The following SLC35G6 variants were observed in gnomAD, a reference collection of about 807,000 sequenced individuals.
SLC35G6 encodes solute carrier family 35 member G6, also known as acyl-malonyl condensing enzyme 1-like 3.
A neutral mutation model predicts 20.3 loss-of-function variants in SLC35G6; 18 were observed. That is an observed-to-expected ratio of 0.88 (90% CI 0.61 to 1.31). The LOEUF is 1.31. Among genes scored for constraint, SLC35G6 ranks in the 40% most tolerant of loss-of-function variants. The probability of loss-of-function intolerance (pLI) is 0.00; values close to 1 mark genes in which losing one functional copy is unlikely to be tolerated. For synonymous variants in SLC35G6, 156 were observed against 200.9 expected (o/e 0.78, Z 1.89); for missense variants, 372 against 433.4 (o/e 0.86, Z 1.26).
chr17:7,481,940 G>A (rs367808195), intron 1 of SLC35G6, 48 bp from the exon 2 acceptor site: 60 of 1,545,770 alleles, frequency 3.9e-5, no homozygotes, highest in Admixed American at 3.4e-4. Flanking sequence ...GCCCCAGGTC[G>A]CCTGGGCTGC....
rs761273574 is a variant in SLC35G6 at position 7,482,718 on chromosome 17, T to C, written c.734T>C (p.Val245Ala). The change falls in exon 2 of 2, where the codon GTG becomes GCG. Residue 245 changes from valine (V) to alanine (A), a missense_variant. Val to Ala is a moderately conservative substitution (Grantham distance 64, BLOSUM62 0). Transcript: ENST00000412468. ...GGCCTCTTTGTGCTGCAGCCCCCCG[T>C]GTTGCCCAGTGATCTCCCGAGTTGG... is the stretch of plus-strand genomic sequence containing the variant. Reference protein sequence around the residue: ...VPGLFVLQPPVLPSDLPSWSC... With the variant: ...VPGLFVLQPPALPSDLPSWSC... 1.7e-5 allele frequency: 27 copies of C among 1,611,906 alleles called. No homozygotes were observed. Among genetic ancestry groups the C allele is most frequent in the Admixed American group, 5.0e-5 (3 of 59,988 alleles).
intron 1 of SLC35G6, 75 bp from the exon 2 acceptor site, chr17:7,481,913 A>T: frequency 6.5e-7 from 1 of 1,526,974 alleles, no homozygotes; most frequent in Non-Finnish European, 8.8e-7. Context: ...CCCAGACCCC[A>T]TCCTGGCATC....
intron 1 of SLC35G6, among the ~76,000 whole-genome samples, chr17:7,481,753 A>G (rs1162373234): frequency 6.6e-6 from 1 of 152,042 alleles, no homozygotes; most frequent in East Asian, 1.9e-4. Context: ...CCCAGGAACA[A>G]CTTACCCAGG....
Position 7,482,574 on chromosome 17 carries a change from T to A in SLC35G6, c.590T>A (p.Phe197Tyr). ...ACCGCCCTGGGCTATGGGCAGGCTT[T>A]CGTGGGAGGACTGGCGCTGTCCCTG... ...VYTALGYGQA[F>Y]VGGLALSLGL... The change falls in exon 2 of 2, where the codon TTC becomes TAC. Residue 197 changes from phenylalanine (F) to tyrosine (Y), a missense_variant. Physicochemically the swap from Phe to Tyr is conservative, Grantham distance 22. Transcript: ENST00000412468. 1 of 1,612,374 alleles carries A rather than the reference T, an allele frequency of 6.2e-7. No homozygotes were observed. Among genetic ancestry groups the A allele is most frequent in the Non-Finnish European group, 8.5e-7 (1 of 1,179,936 alleles).
intron 1 of SLC35G6, 48 bp downstream of exon 1, chr17:7,481,567 G>A (rs1225048669): frequency 6.4e-6 from 9 of 1,401,714 alleles, no homozygotes; most frequent in Non-Finnish European, 8.6e-6. Context: ...ATAGCTCCTG[G>A]TTGCTCCATT....
At position 7,482,706 on chromosome 17, in the gene SLC35G6, T is replaced by C. The variant is rs771237611; in HGVS notation, c.722T>C (p.Leu241Pro). The change falls in exon 2 of 2, where the codon CTG (leucine) becomes CCG (proline). Residue 241 changes from leucine to proline, a missense_variant. Transcript: ENST00000412468. ...GGCTCTGTGCCAGGCCTCTTTGTGC[T>C]GCAGCCCCCCGTGTTGCCCAGTGAT... The part of the protein sequence containing the change: ...LLGSVPGLFV[L>P]QPPVLPSDLP... The C allele has an allele frequency of 6.2e-7, 1 of 1,611,912 alleles. No homozygotes were observed. The highest frequency in any genetic ancestry group is 8.5e-7 in the Non-Finnish European group (1 of 1,179,876).
chr17:7,482,213 T>C lies in SLC35G6; in HGVS notation c.229T>C (p.Cys77Arg), dbSNP rs781546940. Residue 77 changes from cysteine (C) to arginine (R), a missense_variant, in exon 2 of 2, where the codon TGC becomes CGC. Transcript: ENST00000412468. ...LPSLELLICR[C>R]LFHLPIALLL... is the part of the protein sequence containing the mutation. ...CTCGCTGGAGCTGCTCATCTGTCGA[T>C]GCCTCTTCCACCTCCCTATTGCCCT... The C allele has an allele frequency of 3.1e-6, 5 of 1,614,002 alleles. No homozygotes were observed. Among genetic ancestry groups the C allele is most frequent in the South Asian group, 2.2e-5 (2 of 91,080 alleles).
chr17:7,483,394 C>G lies in SLC35G6; in HGVS notation c.*393C>G, dbSNP rs2150871447. On this transcript the variant is annotated 3_prime_UTR_variant, in exon 2 of 2. Coordinates refer to ENST00000412468, the MANE Select transcript of SLC35G6 (RefSeq NM_001102614.2). ...CGGTGGGGGAGGGGAGCGTGCCTCC[C>G]CACCCCTCCCCTCACGGCAAAGGTT... 1 of 287,768 alleles carries G rather than the reference C, an allele frequency of 3.5e-6. No individual in the cohort carries two copies. Among genetic ancestry groups the G allele is most frequent in the African/African-American group, 2.2e-5 (1 of 45,754 alleles). The allele number at this position is 287,768 out of a possible 1,614,324, so 17.8% of individuals were successfully genotyped here.
In SLC35G6 at chr17:7,481,991, G is replaced by A. The variant is rs751354815; in HGVS notation, c.7G>A (p.Gly3Ser). ...TGAGCTCCTTTCTCCCTAACAGGCT[G>A]GCAGTCACCCCTACTTGAACCCGCC... is the stretch of plus-strand genomic sequence containing the variant. MA[G>S]SHPYLNPPDS... Residue 3 changes from glycine to serine, a missense_variant, in exon 2 of 2, where the codon GGC (glycine) becomes AGC (serine). By Grantham distance (56) the Gly-to-Ser change is moderately conservative (BLOSUM62 0). Transcript: ENST00000412468. 5.7e-6 allele frequency: 9 copies of A among 1,590,524 alleles called. No individual in the cohort carries two copies. The highest frequency in any genetic ancestry group is 5.2e-5 in the Admixed American group (3 of 57,616).
chr17:7,482,391 G>C lies in SLC35G6; in HGVS notation c.407G>C (p.Gly136Ala), dbSNP rs1318894034. 2 of 1,613,876 alleles carry C rather than the reference G, an allele frequency of 1.2e-6. No individual in the cohort carries two copies. The highest frequency in any genetic ancestry group is 1.7e-5 in the Admixed American group (1 of 59,994). Residue 136 changes from glycine (G) to alanine (A), a missense_variant, in exon 2 of 2, where the codon GGT becomes GCT. Gly to Ala is a moderately conservative substitution (Grantham distance 60). Transcript: ENST00000412468. Reference protein sequence around the residue: ...PAGNAATVRKGSSTVCSAVLT... With the variant: ...PAGNAATVRKASSTVCSAVLT... ...GGCAACGCTGCCACTGTTCGCAAAG[G>C]TTCTTCCACCGTCTGCTCCGCCGTC...
chr17:7,482,636 T>G lies in SLC35G6; in HGVS notation c.652T>G (p.Cys218Gly), dbSNP rs1361994863. ...CTATCGTTCTCTGCACTTTCCCTCC[T>G]GCCTCCCAACAGTGGCCTTCCTATC... is the stretch of plus-strand genomic sequence containing the variant. ...LVYRSLHFPS[C>G]LPTVAFLSGL... Residue 218 changes from cysteine to glycine, a missense_variant, in exon 2 of 2, where the codon TGC (cysteine) becomes GGC (glycine). Physicochemically the swap from Cys to Gly is radical, Grantham distance 159. Transcript: ENST00000412468. 1 of 1,611,968 alleles carries G rather than the reference T, an allele frequency of 6.2e-7. No homozygotes were observed. The highest frequency in any genetic ancestry group is 2.2e-5 in the East Asian group (1 of 44,900).
chr17:7,482,652 C>T lies in SLC35G6; in HGVS notation c.668C>T (p.Ala223Val). 2 of 1,612,064 alleles carry T rather than the reference C, an allele frequency of 1.2e-6. No individual in the cohort carries two copies. Among genetic ancestry groups the T allele is most frequent in the Non-Finnish European group, 1.7e-6 (2 of 1,179,886 alleles). ...LHFPSCLPTV[A>V]FLSGLVGLLG... ...TTTCCCTCCTGCCTCCCAACAGTGG[C>T]CTTCCTATCTGGCTTGGTGGGGCTG... The change falls in exon 2 of 2, where the codon GCC (alanine) becomes GTC (valine). Residue 223 changes from alanine to valine, a missense_variant. By Grantham distance (64) the Ala-to-Val change is moderately conservative. Transcript: ENST00000412468.
chr17:7,482,268 T>G lies in SLC35G6; in HGVS notation c.284T>G (p.Leu95Arg). The G allele has an allele frequency of 6.2e-7, 1 of 1,614,032 alleles. No homozygotes were observed. The highest frequency in any genetic ancestry group is 1.3e-5 in the African/African-American group (1 of 75,058). The change falls in exon 2 of 2, where the codon CTG becomes CGG. Residue 95 changes from leucine (L) to arginine (R), a missense_variant. Coordinates refer to ENST00000412468, the MANE Select transcript of SLC35G6 (RefSeq NM_001102614.2). Reference protein sequence around the residue: ...LLLKLRGDPLLGPPDIRGRAY... With the variant: ...LLLKLRGDPLRGPPDIRGRAY... ...CTTAAACTGCGTGGCGACCCCCTTC[T>G]GGGACCTCCTGACATCCGAGGCCGG...
chr17:7,481,601 C>A, intron 1 of SLC35G6, 82 bp downstream of exon 1: 1 of 1,038,406 alleles, frequency 9.6e-7, no homozygotes. Context: ...TAAAACTTAG[C>A]TGTCTCAGAG....
rs373918754 is a variant in SLC35G6, at chr17:7,482,362, C to T, written c.378C>T (p.Pro126=). ...GCAYSAVQVV[P]AGNAATVRKG... Reference sequence around the variant, plus strand: ...CCTACAGTGCGGTTCAGGTGGTGCCCGCTGGCAACGCTGCCACTGTTCGCA... The same window carrying T: ...CCTACAGTGCGGTTCAGGTGGTGCCTGCTGGCAACGCTGCCACTGTTCGCA... The change falls in exon 2 of 2, where the codon CCC becomes CCT. Residue 126 remains proline (P), a synonymous_variant. Transcript: ENST00000412468. 1.6e-4 allele frequency: 253 copies of T among 1,613,900 alleles called. No homozygotes were observed. Among genetic ancestry groups the T allele is most frequent in the Non-Finnish European group, 1.7e-4 (196 of 1,179,882 alleles).
chr17:7,481,619 C>A, intron 1 of SLC35G6, 100 bp downstream of exon 1: 1 of 836,566 alleles, frequency 1.2e-6, no homozygotes, highest in Non-Finnish European at 1.8e-6. Flanking sequence ...GAGATACCCA[C>A]AAATAGAATT....
chr17:7,481,884 C>T, intron 1 of SLC35G6, 104 bp from the exon 2 acceptor site: 3 of 1,451,236 alleles, frequency 2.1e-6, no homozygotes, highest in Middle Eastern at 1.9e-4. Flanking sequence ...TAGCCCAACA[C>T]TGTACAGTCC....
chr17:7,482,391 G>A lies in SLC35G6; in HGVS notation c.407G>A (p.Gly136Asp), dbSNP rs1318894034. ...GGCAACGCTGCCACTGTTCGCAAAG[G>A]TTCTTCCACCGTCTGCTCCGCCGTC... The part of the protein sequence containing the change: ...PAGNAATVRK[G>D]SSTVCSAVLT... Residue 136 changes from glycine (G) to aspartate (D), a missense_variant, in exon 2 of 2, where the codon GGT becomes GAT. By Grantham distance (94) the Gly-to-Asp change is moderately conservative. Transcript: ENST00000412468. The A allele has an allele frequency of 1.2e-6, 2 of 1,613,994 alleles. No homozygotes were observed. The highest frequency in any genetic ancestry group is 1.7e-6 in the Non-Finnish European group (2 of 1,179,864).
In SLC35G6 at chr17:7,482,121, G is replaced by A. The variant is rs2070352239; in HGVS notation, c.137G>A (p.Gly46Asp). Residue 46 changes from glycine to aspartate, a missense_variant, in exon 2 of 2, where the codon GGT becomes GAT. Physicochemically the swap from Gly to Asp is moderately conservative, Grantham distance 94. Transcript: ENST00000412468. ...AATGGCCTGCTGGTGGCCCTGCTGG[G>A]TGGGGGCCTGCCTGCTGGCTTCGTG... is the stretch of plus-strand genomic sequence containing the variant. ...ATNGLLVALL[G>D]GGLPAGFVGP... 1 of 1,614,180 alleles carries A rather than the reference G, an allele frequency of 6.2e-7. No homozygotes were observed. The highest frequency in any genetic ancestry group is 1.3e-5 in the African/African-American group (1 of 75,062).
Sources: gnomAD v4.1 joint callset for allele counts (sites outside exome capture counted in the v4.1 genomes callset) on GRCh38, gnomAD v4.1.1 for gene constraint, MANE v1.5 for transcripts, NCBI Gene and HGNC (gene_info 2026-07-23, HGNC 2026-07-21) for gene names.